Variants in NEBL observed in about 807,000 individuals in gnomAD.
NEBL encodes the protein nebulette.
NEBL carries 122 observed loss-of-function variants against 140.2 expected under a neutral mutation model. The observed-to-expected ratio is 0.87, with a 90% CI of 0.75 to 1.01. NEBL has a LOEUF of 1.01. NEBL is among the 50% of genes least tolerant of loss of function. The pLI, the probability that NEBL is intolerant of heterozygous loss-of-function variation, is 0.00. For synonymous variants in NEBL, 436 were observed against 398.9 expected (o/e 1.09, Z -1.11); for missense variants, 1,365 against 1,231.3 (o/e 1.11, Z -1.62).
At position 20,823,161 on chromosome 10, in the gene NEBL, T is replaced by C. The variant is rs776209215; in HGVS notation, c.1962+47A>G. ...ACAGGTTTTATGCTGTCATTACGTG[T>C]TGATATACAATAAAATTTTTAAAAA... On this transcript the variant is annotated intron_variant, in intron 19 of 27. Transcript: ENST00000377122. 1.1e-5 allele frequency: 15 copies of C among 1,360,946 alleles called. No individual in the cohort carries two copies. In the South Asian group the frequency reaches 1.7e-4, roughly 15 times the overall value. 84.3% of individuals were successfully genotyped at this position (1,360,946 alleles called of 1,614,324 possible).
At chr10:21,215,671 T>C (rs1038100690) in intron 3 of NEBL, among the ~76,000 whole-genome samples, 1 of 152,210 alleles carries the variant, frequency 6.6e-6, no homozygotes, top group Non-Finnish European at 1.5e-5. Context: ...TGTTTTGTTT[T>C]TGTTTTTGAG....
chr10:21,172,550 G>C (rs1841127065), intron 1 of NEBL: 1 of 1,034,348 alleles, frequency 9.7e-7, no homozygotes, highest in Non-Finnish European at 1.5e-6. Flanking sequence ...CAGAAGGAAG[G>C]CTTTTTAGTG....
chr10:20,791,424 G>C lies in NEBL; in HGVS notation c.2762-4116C>G, dbSNP rs563288689. Among the ~76,000 whole-genome samples, 7 of 152,226 alleles carry C rather than the reference G, an allele frequency of 4.6e-5. No homozygotes were observed. In the South Asian group the frequency reaches 1.5e-3, roughly 32 times the overall value. On this transcript the variant is annotated intron_variant, in intron 26 of 27. Transcript: ENST00000377122. ...TTTTTTGTTTGTTTGTGTTTTTTGA[G>C]ATGGGGTCTCACTCTGTCACCCAGG...
chr10:21,053,734 T>G (rs1834883309), intron 2 of NEBL, among the ~76,000 whole-genome samples: 1 of 152,062 alleles, frequency 6.6e-6, no homozygotes, highest in African/African-American at 2.4e-5. Context: ...AAAGTGGGAT[T>G]TAAGAAGTAT....
chr10:21,275,617 TAG>T lies in NEBL; in HGVS notation n.182+17211_182+17212del, dbSNP rs1842910757. On this transcript the variant is annotated intron_variant and non_coding_transcript_variant, in intron 1 of 8. Transcript: ENST00000675702. ...TGCTTTTGTAAAACCTGAACTAACATAGACTCATCACATTACCAGCTTTTTTT... is the reference window on the plus strand; with the variant it reads ...TGCTTTTGTAAAACCTGAACTAACATACTCATCACATTACCAGCTTTTTTT... Among the ~76,000 whole-genome samples, 3 of 150,600 alleles carry T rather than the reference TAG, an allele frequency of 2.0e-5. No individual in the cohort carries two copies. The South Asian group carries it at 6.2e-4, about 31-fold the overall frequency.
chr10:20,846,824 T>C (rs557509207), intron 11 of NEBL, among the ~76,000 whole-genome samples: 64 of 152,134 alleles, frequency 4.2e-4, no homozygotes, highest in African/African-American at 1.5e-3. Context: ...TAATTACGAC[T>C]AGAAGTAGCC....
At chr10:21,200,618 G>C (rs942836659) in intron 3 of NEBL, among the ~76,000 whole-genome samples, 1 of 152,100 alleles carries the variant, frequency 6.6e-6, no homozygotes, top group Admixed American at 6.5e-5. Context: ...CCAACCCCAC[G>C]GGAATTTTAA....
chr10:21,068,471 A>G (rs950842074), intron 2 of NEBL, among the ~76,000 whole-genome samples: 1 of 152,202 alleles, frequency 6.6e-6, no homozygotes, highest in Non-Finnish European at 1.5e-5. Flanking sequence ...GCTTTCAATC[A>G]AACTATGGGG....
At chr10:21,136,814 G>T (rs1415440716) in intron 2 of NEBL, among the ~76,000 whole-genome samples, 1 of 152,142 alleles carries the variant, frequency 6.6e-6, no homozygotes, top group East Asian at 1.9e-4. Flanking sequence ...AGCAATCTGG[G>T]TAAATTAATT....
chr10:20,815,978 A>G (rs888400151), intron 21 of NEBL, among the ~76,000 whole-genome samples: 2 of 151,852 alleles, frequency 1.3e-5, no homozygotes, highest in African/African-American at 4.8e-5. Flanking sequence ...ATGTTGTCCA[A>G]GCTGACCTGA....
chr10:20,808,123 A>C (rs1477101203), intron 26 of NEBL, among the ~76,000 whole-genome samples: 3 of 152,092 alleles, frequency 2.0e-5, no homozygotes, highest in Non-Finnish European at 4.4e-5. Context: ...TATTACTGTA[A>C]GATTGATTTT....
intron 2 of NEBL, among the ~76,000 whole-genome samples, chr10:21,070,784 T>A (rs1012684314): frequency 3.3e-5 from 5 of 152,218 alleles, no homozygotes; most frequent in Non-Finnish European, 5.9e-5. Flanking sequence ...GGAGTCTTTA[T>A]TGAGGTGGCA....
In NEBL at chr10:21,173,978, A is replaced by G; in HGVS notation, c.-145T>C. The G allele has an allele frequency of 6.0e-6, 8 of 1,341,306 alleles. No individual in the cohort carries two copies. The highest frequency in any genetic ancestry group is 7.6e-6 in the Non-Finnish European group (8 of 1,054,840). The allele number at this position is 1,341,306 out of a possible 1,614,324, so 83.1% of individuals were successfully genotyped here. ...CCGGGTAGGGAGTCGGCGCCGGGCC[A>G]CGGGTGAGTGCACGGGGAGGGCGAC... On this transcript the variant is annotated 5_prime_UTR_variant, in exon 1 of 7. Coordinates refer to the NEBL transcript ENST00000417816. The surrounding 1 kb of genome is among the most constrained non-coding windows in gnomAD (Gnocchi z 5.7).
chr10:20,874,592 G>C (rs557102103), intron 5 of NEBL, among the ~76,000 whole-genome samples: 11 of 152,256 alleles, frequency 7.2e-5, no homozygotes, highest in African/African-American at 2.6e-4. Context: ...TGGTAACACT[G>C]TAAAGCCTCC....
rs71390795 is a variant in NEBL at position 20,855,523 on chromosome 10, A to AC, written c.903+2716_903+2717insG. On this transcript the variant is annotated intron_variant, in intron 9 of 27. Transcript: ENST00000377122. ...ACTCCTATTTAAGAAAACAAAACAA[A>AC]ACAAAAAAAAAACGAAGGAAAACTT... Among the ~76,000 whole-genome samples, 396 of 44,328 alleles carry AC rather than the reference A, an allele frequency of 8.9e-3. 1 individual carries two copies. Among genetic ancestry groups the AC allele is most frequent in the Middle Eastern group, 0.022 (2 of 90 alleles). The allele number at this position is 44,328 out of a possible 152,430, so 29.1% of individuals were successfully genotyped here. A position where few individuals can be genotyped will look rare whatever the true frequency, so the allele number is the denominator to read the frequency against.
In NEBL at chr10:20,784,157, C is replaced by T. The variant is rs1488983527; in HGVS notation, c.*1590G>A. On this transcript the variant is annotated 3_prime_UTR_variant, in exon 28 of 28. Transcript: ENST00000377122. Reference sequence around the variant, plus strand: ...AAGGCAGATATCCCCAAGACCCGTACATCTTAGTACTTTTTTGCAGTTTTG... The same window carrying T: ...AAGGCAGATATCCCCAAGACCCGTATATCTTAGTACTTTTTTGCAGTTTTG... The T allele has an allele frequency of 6.6e-6, 1 of 152,172 alleles. No homozygotes were observed. The highest frequency in any genetic ancestry group is 6.6e-5 in the Admixed American group (1 of 15,266). 9.4% of individuals were successfully genotyped at this position (152,172 alleles called of 1,614,324 possible). A position where few individuals can be genotyped will look rare whatever the true frequency, so the allele number is the denominator to read the frequency against.
intron 3 of NEBL, among the ~76,000 whole-genome samples, chr10:20,998,734 T>C (rs1426835948): frequency 6.6e-6 from 1 of 152,190 alleles, no homozygotes; most frequent in Non-Finnish European, 1.5e-5. Flanking sequence ...CCAACTGGCA[T>C]TGCTTTGAAC....
At chr10:21,244,196 C>T (rs1842483727) in intron 3 of NEBL, among the ~76,000 whole-genome samples, 1 of 151,980 alleles carries the variant, frequency 6.6e-6, no homozygotes, top group Admixed American at 6.6e-5. Context: ...GACAGTCTTA[C>T]TCTGTCTCCC....
At chr10:20,986,347 C>T (rs1837258209) in intron 3 of NEBL, among the ~76,000 whole-genome samples, 1 of 152,194 alleles carries the variant, frequency 6.6e-6, no homozygotes, top group East Asian at 1.9e-4. Flanking sequence ...TGTCACATAT[C>T]TCATTGACCT....
Sources: allele counts gnomAD v4.1 joint callset (sites outside exome capture counted in the v4.1 genomes callset), GRCh38; gene constraint gnomAD v4.1.1; non-coding constraint Gnocchi (gnomAD v3.1); transcripts MANE v1.5; gene names NCBI Gene and HGNC (gene_info 2026-07-23, HGNC 2026-07-21).